CALCR: variants seen among roughly 807,000 people sequenced by gnomAD.
The protein encoded by CALCR is calcitonin receptor.
In CALCR, 47 loss-of-function variants were observed where a neutral mutation model predicts 59.5. The observed-to-expected ratio is 0.79, with a 90% CI of 0.63 to 1.01. CALCR has a LOEUF of 1.01. Ranked by LOEUF, CALCR falls within the 50% of genes least tolerant of loss-of-function variation. The pLI, the probability that CALCR is intolerant of heterozygous loss-of-function variation, is 0.00. For synonymous variants in CALCR, 213 were observed against 211.3 expected (o/e 1.01, Z -0.07); for missense variants, 566 against 597.1 (o/e 0.95, Z 0.54).
In CALCR at chr7:93,479,516, A is replaced by G; in HGVS notation, c.52-9T>C. The G allele has an allele frequency of 6.2e-7, 1 of 1,608,862 alleles. No homozygotes were observed. On this transcript the variant is annotated splice_polypyrimidine_tract_variant and intron_variant, in intron 3 of 13. Coordinates refer to ENST00000426151, the MANE Select transcript of CALCR (RefSeq NM_001742.4). Reference sequence around the variant, plus strand: ...AGAATTGGGGTTGGGTGCTGTATTAAAAAGAAAAATCAGTTACTTATAGAC... The same window carrying G: ...AGAATTGGGGTTGGGTGCTGTATTAGAAAGAAAAATCAGTTACTTATAGAC...
At chr7:93,482,621 T>C (rs1800823007) in intron 3 of CALCR, 1 of 305,398 alleles carries the variant, frequency 3.3e-6, no homozygotes, top group South Asian at 2.8e-5. Context: ...AAATAGTATG[T>C]CCGAGGATAA....
chr7:93,460,012 C>T (rs1370841349), intron 8 of CALCR, among the ~76,000 whole-genome samples: 1 of 152,124 alleles, frequency 6.6e-6, no homozygotes, highest in African/African-American at 2.4e-5. Context: ...CATAATGACA[C>T]AAAACATGAT....
chr7:93,545,319 T>G (rs13229065), intron 2 of CALCR, among the ~76,000 whole-genome samples: 57,744 of 151,880 alleles, frequency 0.38, 12,136 homozygotes, highest in Non-Finnish European at 0.48. Flanking sequence ...TTGTTAAATT[T>G]AGACTTAGAA....
At chr7:93,461,972 A>G (rs188337172) in intron 7 of CALCR, 2 of 786,476 alleles carry the variant, frequency 2.5e-6, no homozygotes, top group South Asian at 1.6e-5. Context: ...ATTCCTAAAA[A>G]TATCTTCATG....
intron 2 of CALCR, among the ~76,000 whole-genome samples, chr7:93,558,401 C>T (rs1789660343): frequency 6.6e-6 from 1 of 151,834 alleles, no homozygotes; most frequent in African/African-American, 2.4e-5. Flanking sequence ...ACATTATTTA[C>T]TCTGCTATTT....
At chr7:93,484,979 C>T (rs1197216888) in intron 3 of CALCR, among the ~76,000 whole-genome samples, 1 of 151,606 alleles carries the variant, frequency 6.6e-6, no homozygotes, top group African/African-American at 2.4e-5. Flanking sequence ...ATATGGAAAT[C>T]GAGTTGATAG....
At chr7:93,523,832 A>G (rs1801817873) in intron 2 of CALCR, among the ~76,000 whole-genome samples, 1 of 152,064 alleles carries the variant, frequency 6.6e-6, no homozygotes, top group Non-Finnish European at 1.5e-5. Flanking sequence ...TCTAATTCCA[A>G]TATCTAATAT....
chr7:93,442,757 A>G (rs1799934271), intron 9 of CALCR, among the ~76,000 whole-genome samples: 1 of 152,146 alleles, frequency 6.6e-6, no homozygotes, highest in Non-Finnish European at 1.5e-5. Flanking sequence ...GTGGTGAGAG[A>G]AGCCCTTGGC....
chr7:93,462,211 T>A, intron 7 of CALCR: 1 of 593,252 alleles, frequency 1.7e-6, no homozygotes, highest in Admixed American at 3.4e-5. Flanking sequence ...TTATAGTAAC[T>A]CATTAATAAA....
intron 2 of CALCR, among the ~76,000 whole-genome samples, chr7:93,489,903 A>G (rs1468388006): frequency 2.6e-5 from 4 of 152,024 alleles, no homozygotes; most frequent in Non-Finnish European, 4.4e-5. Context: ...TCCCTAATTC[A>G]TTTTATGAAG....
At chr7:93,496,653 A>G (rs1180835854) in intron 2 of CALCR, among the ~76,000 whole-genome samples, 1 of 151,572 alleles carries the variant, frequency 6.6e-6, no homozygotes, top group East Asian at 1.9e-4. Flanking sequence ...ATTTCCACCA[A>G]TATCTTGGCT....
intron 8 of CALCR, 91 bp from the exon 9 acceptor site, chr7:93,443,848 C>T (rs140830339): frequency 4.3e-4 from 466 of 1,071,364 alleles, no homozygotes; most frequent in African/African-American, 3.1e-3. Context: ...GCCAAAGTAT[C>T]TGCATTCAGC....
chr7:93,480,240 G>A (rs966121528), intron 3 of CALCR, among the ~76,000 whole-genome samples: 1 of 151,858 alleles, frequency 6.6e-6, no homozygotes, highest in Non-Finnish European at 1.5e-5. Context: ...GGTAATGTGG[G>A]TGTTTGAAAA....
At chr7:93,524,193 C>T (rs1419406484) in intron 2 of CALCR, among the ~76,000 whole-genome samples, 5 of 141,682 alleles carry the variant, frequency 3.5e-5, no homozygotes, top group African/African-American at 1.3e-4. Flanking sequence ...TTTTTTGAGA[C>T]GAGTTTCGCT....
At chr7:93,569,279 C>T (rs935356244) in intron 2 of CALCR, among the ~76,000 whole-genome samples, 1 of 152,100 alleles carries the variant, frequency 6.6e-6, no homozygotes, top group East Asian at 1.9e-4. Context: ...CAAGGACCCC[C>T]CACTATCTTC....
intron 4 of CALCR, among the ~76,000 whole-genome samples, chr7:93,478,636 AATAT>A (rs10543619): frequency 0.051 from 7,581 of 147,392 alleles, 621 homozygotes; most frequent in African/African-American, 0.17. Context: ...CCCTGTCTTA[AATAT>A]ATATATATAT....
Position 93,504,477 on chromosome 7 carries a change from C to G in CALCR, c.-26-17470G>C, listed in dbSNP as rs371045211. On this transcript the variant is annotated intron_variant, in intron 2 of 13. Transcript: ENST00000426151. ...AAATTCTTTAACCATGTATTATTTC[C>G]TCTGCTCAACAGCGTCTTTTTCTTT... Among the ~76,000 whole-genome samples, 16 of 152,228 alleles carry G rather than the reference C, an allele frequency of 1.1e-4. No individual in the cohort carries two copies. In the South Asian group the frequency reaches 3.3e-3, roughly 32 times the overall value.
At chr7:93,486,132 T>C (rs1234927193) in intron 3 of CALCR, among the ~76,000 whole-genome samples, 1 of 151,556 alleles carries the variant, frequency 6.6e-6, no homozygotes, top group Non-Finnish European at 1.5e-5. Flanking sequence ...TGCTGCCAAC[T>C]GTAATTTATT....
intron 2 of CALCR, among the ~76,000 whole-genome samples, chr7:93,502,726 A>C (rs2116007311): frequency 6.6e-6 from 1 of 152,244 alleles, no homozygotes; most frequent in African/African-American, 2.4e-5. Flanking sequence ...TGAATTTGTT[A>C]ATCTTTGGCA....
Sources: gnomAD v4.1 joint callset for allele counts (sites outside exome capture counted in the v4.1 genomes callset) on GRCh38, gnomAD v4.1.1 for gene constraint, MANE v1.5 for transcripts, NCBI Gene and HGNC (gene_info 2026-07-23, HGNC 2026-07-21) for gene names.